Variants in MTAP observed in about 807,000 individuals in gnomAD.
The protein encoded by MTAP is S-methyl-5'-thioadenosine phosphorylase.
In MTAP, 33 loss-of-function variants were observed where a neutral mutation model predicts 33.6. The observed-to-expected ratio is 0.98, with a 90% confidence interval of 0.74 to 1.31. The LOEUF is 1.31. Ranked by LOEUF, MTAP falls within the 40% of genes most tolerant of loss-of-function variation. The pLI, the probability that MTAP is intolerant of heterozygous loss-of-function variation, is 0.00. For synonymous variants in MTAP, 148 were observed against 125.7 expected, an observed-to-expected ratio of 1.18 and a Z score of -1.19; for missense variants, 367 against 360.0, an observed-to-expected ratio of 1.02 and a Z score of -0.16.
chr9:21,882,787 C>T (rs1270493507), intron 1 of MTAP, among the ~76,000 whole-genome samples: 1 of 151,704 alleles, frequency 6.6e-6, no homozygotes, highest in Non-Finnish European at 1.5e-5. Context: ...AATCACAACA[C>T]AAAATTAATG....
intron 1 of MTAP, chr9:21,803,493 G>C (rs1042296623): frequency 2.6e-5 from 4 of 151,914 alleles, no homozygotes; most frequent in African/African-American, 9.7e-5. Context: ...TTGCAAGTTA[G>C]AGTTCAATTT....
At chr9:21,917,655 A>C (rs996531804) in intron 1 of MTAP, among the ~76,000 whole-genome samples, 2 of 152,346 alleles carry the variant, frequency 1.3e-5, no homozygotes, top group African/African-American at 4.8e-5. Context: ...AATGTAAATT[A>C]GTACCACCAC....
At chr9:21,882,210 T>TA (rs1352064264) in intron 1 of MTAP, among the ~76,000 whole-genome samples, 3 of 151,628 alleles carry the variant, frequency 2.0e-5, no homozygotes, top group Admixed American at 1.3e-4. Flanking sequence ...ATTGAAAACT[T>TA]AAACACAAGA....
intron 6 of MTAP, among the ~76,000 whole-genome samples, chr9:21,855,489 T>C (rs1344255429): frequency 6.6e-6 from 1 of 152,136 alleles, no homozygotes; most frequent in Non-Finnish European, 1.5e-5. Context: ...CTTCCTGTTT[T>C]AAGTGTGATG....
intron 1 of MTAP, among the ~76,000 whole-genome samples, chr9:21,891,492 T>A (rs775715803): frequency 6.6e-6 from 1 of 152,114 alleles, no homozygotes; most frequent in Non-Finnish European, 1.5e-5. Flanking sequence ...AAAAATTCCA[T>A]AATACCATCA....
intron 1 of MTAP, chr9:21,930,505 G>A (rs1034711793): frequency 1.2e-5 from 3 of 243,854 alleles, no homozygotes; most frequent in Non-Finnish European, 2.3e-5. Context: ...GGGTGAAAAG[G>A]GCTATCCAAT....
intron 1 of MTAP, among the ~76,000 whole-genome samples, chr9:21,880,884 T>A (rs1310555689): frequency 6.6e-6 from 1 of 151,904 alleles, no homozygotes; most frequent in Non-Finnish European, 1.5e-5. Context: ...TCAATGGCAT[T>A]TTTTTTGCAG....
chr9:21,918,011 GT>G (rs1374959699), intron 1 of MTAP, among the ~76,000 whole-genome samples: 1 of 152,196 alleles, frequency 6.6e-6, no homozygotes, highest in East Asian at 1.9e-4. Flanking sequence ...AATATTGTAT[GT>G]TTTCACTTAC....
At chr9:21,894,113 T>C (rs1396461831) in intron 1 of MTAP, among the ~76,000 whole-genome samples, 3 of 151,022 alleles carry the variant, frequency 2.0e-5, no homozygotes, top group Admixed American at 6.6e-5. Flanking sequence ...AATCAATAAA[T>C]ATGATTTGTC....
chr9:21,881,988 A>G (rs1312684130), intron 1 of MTAP, among the ~76,000 whole-genome samples: 1 of 152,082 alleles, frequency 6.6e-6, no homozygotes, highest in African/African-American at 2.4e-5. Context: ...ATGGACAGAT[A>G]AAGAAAATGC....
chr9:21,864,028 A>G lies in MTAP; in HGVS notation c.*2014A>G. The G allele has an allele frequency of 1.0e-6, 1 of 985,598 alleles. No homozygotes were observed. Among genetic ancestry groups the G allele is most frequent in the South Asian group, 4.7e-5 (1 of 21,282 alleles). The allele number at this position is 985,598 out of a possible 1,614,324, so 61.1% of individuals were successfully genotyped here. ...CTGGTAACGTGTGATTGTTTTCACT[A>G]CAATATGATACATAGATGGTACCTT... On this transcript the variant is annotated 3_prime_UTR_variant, in exon 8 of 8. Coordinates refer to ENST00000644715, the MANE Select transcript of MTAP (RefSeq NM_002451.4).
At chr9:21,861,903 G>T (rs1029509814) in intron 7 of MTAP, 73 bp from the exon 8 acceptor site, 10 of 748,444 alleles carry the variant, frequency 1.3e-5, no homozygotes, top group African/African-American at 3.6e-5. Flanking sequence ...ATCAAAATCT[G>T]TTTTTTTTTT....
intron 1 of MTAP, among the ~76,000 whole-genome samples, chr9:21,874,190 T>G (rs1825973487): frequency 6.6e-6 from 1 of 152,202 alleles, no homozygotes; most frequent in Non-Finnish European, 1.5e-5. Context: ...AACCCCTGTC[T>G]GCCACCCGGC....
chr9:21,885,677 C>G (rs760505366), intron 1 of MTAP, among the ~76,000 whole-genome samples: 1 of 152,070 alleles, frequency 6.6e-6, no homozygotes, highest in Non-Finnish European at 1.5e-5. Flanking sequence ...GTTTGGTTTT[C>G]TGTTCCTTAG....
At chr9:21,940,072 G>C (rs1001423304), downstream of MTAP, among the ~76,000 whole-genome samples, 1 of 152,084 alleles carries the variant, frequency 6.6e-6, no homozygotes, top group Non-Finnish European at 1.5e-5. Flanking sequence ...CCTGAGGTCG[G>C]GAGTTTGAAA....
chr9:21,847,169 G>T (rs1315657240), intron 5 of MTAP, among the ~76,000 whole-genome samples: 3 of 152,216 alleles, frequency 2.0e-5, no homozygotes, highest in Non-Finnish European at 4.4e-5. Context: ...CAGACTGCAA[G>T]TTCTTCATTT....
chr9:21,836,471 T>C (rs1825109801), intron 4 of MTAP, among the ~76,000 whole-genome samples: 2 of 152,074 alleles, frequency 1.3e-5, no homozygotes, highest in Non-Finnish European at 2.9e-5. Context: ...TGGAAGTCAG[T>C]TGGAGTATAG....
intron 6 of MTAP, 96 bp downstream of exon 6, chr9:21,854,966 G>A (rs1005920536): frequency 2.0e-6 from 3 of 1,487,730 alleles, no homozygotes; most frequent in African/African-American, 2.8e-5. Flanking sequence ...GTTTCAGAAA[G>A]TGCCTTTCTA....
chr9:21,867,847 A>G (rs1014678255), downstream of MTAP, among the ~76,000 whole-genome samples: 1 of 152,200 alleles, frequency 6.6e-6, no homozygotes, highest in African/African-American at 2.4e-5. Context: ...TGTTATAGGC[A>G]AAAGCTTGGG....
Sources: allele counts gnomAD v4.1 joint callset (sites outside exome capture counted in the v4.1 genomes callset), GRCh38; gene constraint gnomAD v4.1.1; transcripts MANE v1.5; gene names NCBI Gene and HGNC (gene_info 2026-07-23, HGNC 2026-07-21).